RBFOX1: variants seen among roughly 807,000 people sequenced by gnomAD.
The protein encoded by RBFOX1 is RNA binding fox-1 homolog 1, also known as RNA binding protein fox-1 homolog 1.
In RBFOX1, 8 loss-of-function variants were observed where a neutral mutation model predicts 57.7. That is an observed-to-expected ratio of 0.14 (90% confidence interval 0.08 to 0.25). The LOEUF (loss-of-function observed/expected upper bound fraction) is 0.25, where lower values mean the gene tolerates loss of function less well. Among genes scored for constraint, RBFOX1 ranks in the 10% least tolerant of loss-of-function variants. RBFOX1 has a pLI of 1.00. For synonymous variants in RBFOX1, 326 were observed against 222.4 expected (o/e 1.47, Z -4.15); for missense variants, 611 against 548.5 (o/e 1.11, Z -1.14).
intron 4 of RBFOX1, among the ~76,000 whole-genome samples, chr16:7,325,596 G>A (rs1227501984): frequency 3.3e-5 from 5 of 152,122 alleles, no homozygotes; most frequent in Admixed American, 6.5e-5. Flanking sequence ...TCTCTTCTCC[G>A]GGTGTCTTTT....
intron 3 of RBFOX1, among the ~76,000 whole-genome samples, chr16:5,852,450 T>C (rs2056920465): frequency 2.6e-5 from 4 of 152,122 alleles, no homozygotes; most frequent in Non-Finnish European, 5.9e-5. Flanking sequence ...TCCAGGGAGC[T>C]TGCACACCCT....
intron 4 of RBFOX1, among the ~76,000 whole-genome samples, chr16:7,089,305 A>C (rs184171502): frequency 1.3e-5 from 2 of 152,202 alleles, no homozygotes; most frequent in African/African-American, 4.8e-5. Flanking sequence ...CTTAATAGAG[A>C]GTTCTATCTA....
At chr16:7,036,672 G>A (rs78851704) in intron 3 of RBFOX1, among the ~76,000 whole-genome samples, 13,174 of 150,262 alleles carry the variant, frequency 0.088, 938 homozygotes, top group East Asian at 0.32. Context: ...CAGCCTCGTC[G>A]AAAGAGCAAA....
At chr16:5,734,027 T>C (rs1455043549) in intron 3 of RBFOX1, among the ~76,000 whole-genome samples, 3 of 152,190 alleles carry the variant, frequency 2.0e-5, no homozygotes, top group Non-Finnish European at 4.4e-5. Context: ...TCGTTGTCCA[T>C]GTAATAAGAA....
chr16:6,963,562 G>A (rs1202795423), intron 3 of RBFOX1, among the ~76,000 whole-genome samples: 1 of 152,166 alleles, frequency 6.6e-6, no homozygotes, highest in Non-Finnish European at 1.5e-5. Flanking sequence ...CATTTTGGCT[G>A]TGTTCTGTAG....
chr16:5,706,897 C>T (rs2051269631), intron 3 of RBFOX1, among the ~76,000 whole-genome samples: 1 of 152,006 alleles, frequency 6.6e-6, no homozygotes, highest in African/African-American at 2.4e-5. Context: ...TTCCTCCAGC[C>T]CTAGCCTAAG....
intron 3 of RBFOX1, among the ~76,000 whole-genome samples, chr16:5,830,536 C>T (rs1006834495): frequency 5.9e-5 from 9 of 152,232 alleles, no homozygotes; most frequent in East Asian, 1.9e-4. Context: ...AAGGGGTTCA[C>T]GTCCCAGCCA....
intron 14 of RBFOX1, among the ~76,000 whole-genome samples, chr16:7,704,929 C>T (rs770048565): frequency 1.3e-5 from 2 of 151,936 alleles, no homozygotes; most frequent in East Asian, 1.9e-4. Context: ...CGCCTGTAAT[C>T]CCAGCAACTG....
chr16:6,029,073 C>T (rs534580134), intron 1 of RBFOX1, among the ~76,000 whole-genome samples: 9 of 152,284 alleles, frequency 5.9e-5, no homozygotes, highest in East Asian at 3.9e-4. Flanking sequence ...CACAGACTTC[C>T]GAGCTAGTCA....
intron 1 of RBFOX1, chr16:5,366,792 C>A: frequency 3.8e-6 from 1 of 262,418 alleles, no homozygotes; most frequent in Non-Finnish European, 7.4e-6. Flanking sequence ...GATAAATTTC[C>A]CTATCGTGTT....
At chr16:7,261,141 G>GC (rs139390928) in intron 4 of RBFOX1, among the ~76,000 whole-genome samples, 7,406 of 152,244 alleles carry the variant, frequency 0.049, 636 homozygotes, top group African/African-American at 0.17. Flanking sequence ...TATCCAAAGA[G>GC]CCAACCCACT....
At chr16:5,549,634 C>A (rs771188822) in intron 2 of RBFOX1, among the ~76,000 whole-genome samples, 1 of 152,052 alleles carries the variant, frequency 6.6e-6, no homozygotes, top group Non-Finnish European at 1.5e-5. Flanking sequence ...TGGGTTGGGG[C>A]ACAGCATTCA....
intron 11 of RBFOX1, among the ~76,000 whole-genome samples, chr16:7,643,742 C>G (rs1026868848): frequency 6.6e-6 from 1 of 152,126 alleles, no homozygotes; most frequent in Admixed American, 6.5e-5. Flanking sequence ...TGAACTCTTA[C>G]CAGGAACATA....
intron 4 of RBFOX1, among the ~76,000 whole-genome samples, chr16:7,298,783 A>C (rs761869452): frequency 5.3e-5 from 8 of 152,236 alleles, no homozygotes; most frequent in Admixed American, 2.6e-4. Context: ...CTATTGATCA[A>C]GTAGAAGTGA....
intron 4 of RBFOX1, among the ~76,000 whole-genome samples, chr16:5,904,343 T>G (rs1047804279): frequency 6.6e-6 from 1 of 152,128 alleles, no homozygotes; most frequent in African/African-American, 2.4e-5. Context: ...CTTTGATGCC[T>G]GCTCCCAGCA....
intron 3 of RBFOX1, among the ~76,000 whole-genome samples, chr16:6,683,003 C>T (rs758227301): frequency 4.0e-5 from 6 of 151,848 alleles, no homozygotes; most frequent in Non-Finnish European, 8.8e-5. Context: ...CACAGCTGGG[C>T]AAGGAGTGAG....
At chr16:7,346,348 C>A (rs1004660624) in intron 4 of RBFOX1, among the ~76,000 whole-genome samples, 1 of 151,822 alleles carries the variant, frequency 6.6e-6, no homozygotes, top group African/African-American at 2.4e-5. Context: ...GCATTCTACC[C>A]AAGAGGGCAG....
chr16:7,533,171 G>A (rs935618050), intron 5 of RBFOX1, among the ~76,000 whole-genome samples: 10 of 152,160 alleles, frequency 6.6e-5, no homozygotes, highest in Non-Finnish European at 1.5e-4. Context: ...ACTTGAGTAT[G>A]ATACTCTTTC....
At chr16:7,513,375 C>G (rs916472595) in intron 4 of RBFOX1, among the ~76,000 whole-genome samples, 3 of 152,226 alleles carry the variant, frequency 2.0e-5, no homozygotes, top group East Asian at 1.9e-4. Flanking sequence ...CTTGGCTTCC[C>G]TAACAACTAC....
Sources: gnomAD v4.1 joint callset for allele counts (sites outside exome capture counted in the v4.1 genomes callset) on GRCh38, gnomAD v4.1.1 for gene constraint, MANE v1.5 for transcripts, NCBI Gene and HGNC (gene_info 2026-07-23, HGNC 2026-07-21) for gene names.